Variants in SHISA9 observed in about 807,000 individuals in gnomAD.
SHISA9 encodes the protein protein shisa-9.
Under a neutral mutation model 38.0 loss-of-function variants are expected in SHISA9, and 13 were observed. That is an observed-to-expected ratio of 0.34 (90% CI 0.22 to 0.54). The LOEUF (loss-of-function observed/expected upper bound fraction) is 0.54, where lower values mean the gene tolerates loss of function less well. Ranked by LOEUF, SHISA9 falls within the 20% of genes least tolerant of loss-of-function variation. The pLI is 0.91. For missense variants in SHISA9, 538 were observed against 575.8 expected, an observed-to-expected ratio of 0.93 and a Z score of 0.67; for synonymous variants, 275 against 242.0, an observed-to-expected ratio of 1.14 and a Z score of -1.27.
chr16:12,981,300 G>T (rs1285979225), intron 2 of SHISA9, among the ~76,000 whole-genome samples: 2 of 152,210 alleles, frequency 1.3e-5, no homozygotes, highest in African/African-American at 4.8e-5. Flanking sequence ...TTTTATCTCT[G>T]GCAGCATTTG....
the SHISA9 span, among the ~76,000 whole-genome samples, chr16:13,420,915 A>G: frequency 0.73 from 111,790 of 152,100 alleles, 41,311 homozygotes; most frequent in Admixed American, 0.82. Flanking sequence ...AGATGATGGT[A>G]TTACAGCTGC....
At chr16:13,440,751 T>C in the SHISA9 span, among the ~76,000 whole-genome samples, 1 of 152,008 alleles carries the variant, frequency 6.6e-6, no homozygotes, top group East Asian at 1.9e-4. Flanking sequence ...GTGAAATCCC[T>C]TCTCTGCTAA....
intron 2 of SHISA9, among the ~76,000 whole-genome samples, chr16:12,997,530 G>T (rs1157709588): frequency 6.6e-6 from 1 of 150,410 alleles, no homozygotes; most frequent in Non-Finnish European, 1.5e-5. Context: ...CCTTAGCCTC[G>T]CCAGTAGCTG....
chr16:13,034,312 C>T (rs2073027689), intron 2 of SHISA9, among the ~76,000 whole-genome samples: 1 of 152,116 alleles, frequency 6.6e-6, no homozygotes. Context: ...ATTAGCATCT[C>T]CTTGGGAATG....
At position 13,198,628 on chromosome 16, in the gene SHISA9, A is replaced by G. The variant is rs190636884; in HGVS notation, c.692-4766A>G. Among the ~76,000 whole-genome samples the G allele has an allele frequency of 6.2e-4, 95 of 152,276 alleles. 2 individuals are homozygous for G. The highest frequency in any genetic ancestry group is 2.2e-3 in the African/African-American group (91 of 41,562). On this transcript the variant is annotated intron_variant, in intron 2 of 4. Coordinates refer to ENST00000558583, the MANE Select transcript of SHISA9 (RefSeq NM_001145204.3). ...AGCTGAATATATTTGTGGAAAACTC[A>G]CAAAGCAACTGGGTTGCCAGGTCTG...
chr16:12,932,152 A>G (rs2071469982), intron 2 of SHISA9, among the ~76,000 whole-genome samples: 2 of 152,120 alleles, frequency 1.3e-5, no homozygotes, highest in Non-Finnish European at 2.9e-5. Flanking sequence ...TGGAGCTGTG[A>G]GTCCATTAAG....
Position 13,078,752 on chromosome 16 carries a change from G to C in SHISA9, c.692-124642G>C, listed in dbSNP as rs565997496. On this transcript the variant is annotated intron_variant, in intron 2 of 4. Coordinates refer to ENST00000558583, the MANE Select transcript of SHISA9 (RefSeq NM_001145204.3). ...CCAAGTTGGTTGAACCCTTGGATAA[G>C]GAGGGCTGATACACATTTACTGTGT... is the stretch of plus-strand genomic sequence containing the variant. Among the ~76,000 whole-genome samples, 6 of 152,256 alleles carry C rather than the reference G, an allele frequency of 3.9e-5. No individual in the cohort carries two copies. The South Asian group carries it at 1.2e-3, about 32-fold the overall frequency.
At chr16:13,148,551 A>G (rs2050468526) in intron 2 of SHISA9, among the ~76,000 whole-genome samples, 1 of 152,238 alleles carries the variant, frequency 6.6e-6, no homozygotes, top group East Asian at 1.9e-4. Context: ...CACAGTCCAC[A>G]TTCACTCTAT....
chr16:13,317,610 AACCTAACCCCTATGC>A, the SHISA9 span, among the ~76,000 whole-genome samples: 1 of 152,056 alleles, frequency 6.6e-6, no homozygotes, highest in Admixed American at 6.6e-5. Context: ...TGACCCTGGG[AACCTAACCCCTATGC>A]ACCTCAGTCC....
chr16:13,545,785 C>G, the SHISA9 span, among the ~76,000 whole-genome samples: 3 of 152,096 alleles, frequency 2.0e-5, no homozygotes, highest in South Asian at 6.2e-4. Flanking sequence ...CATGATGGCA[C>G]CACACCGGTC....
chr16:13,178,232 T>G (rs1173214223), intron 2 of SHISA9, among the ~76,000 whole-genome samples: 1 of 152,044 alleles, frequency 6.6e-6, no homozygotes, highest in Non-Finnish European at 1.5e-5. Flanking sequence ...CAGGTGCACG[T>G]GTGGAGAGAG....
chr16:13,264,020 T>A, the SHISA9 span, among the ~76,000 whole-genome samples: 1 of 152,178 alleles, frequency 6.6e-6, no homozygotes, highest in Non-Finnish European at 1.5e-5. Context: ...TCCGCAAGGT[T>A]ATGTAAACAC....
intron 2 of SHISA9, among the ~76,000 whole-genome samples, chr16:12,954,737 G>A (rs1229392529): frequency 6.6e-6 from 1 of 152,166 alleles, no homozygotes; most frequent in South Asian, 2.1e-4. Context: ...TTAGGAAACA[G>A]TTGTAGAGGG....
chr16:13,207,617 T>C (rs1417208726), intron 3 of SHISA9, among the ~76,000 whole-genome samples: 2 of 152,098 alleles, frequency 1.3e-5, no homozygotes, highest in African/African-American at 4.8e-5. Flanking sequence ...CTGACCACTG[T>C]GAGAGTTCTC....
intron 2 of SHISA9, among the ~76,000 whole-genome samples, chr16:13,043,411 A>G (rs913095997): frequency 6.6e-6 from 1 of 152,182 alleles, no homozygotes; most frequent in African/African-American, 2.4e-5. Context: ...ACTTCCCACC[A>G]CGGGAGGGTA....
the SHISA9 span, among the ~76,000 whole-genome samples, chr16:13,314,433 T>C: frequency 6.6e-6 from 1 of 152,006 alleles, no homozygotes; most frequent in Non-Finnish European, 1.5e-5. Flanking sequence ...AGAGACAGGG[T>C]TTCACCGTGT....
At chr16:12,955,708 A>C (rs1025704712) in intron 2 of SHISA9, among the ~76,000 whole-genome samples, 1 of 152,070 alleles carries the variant, frequency 6.6e-6, no homozygotes, top group African/African-American at 2.4e-5. Context: ...AGCCATATGC[A>C]GAAAAATAAA....
intron 2 of SHISA9, among the ~76,000 whole-genome samples, chr16:13,042,730 C>T (rs1420147013): frequency 6.6e-6 from 1 of 152,152 alleles, no homozygotes; most frequent in African/African-American, 2.4e-5. Context: ...ATTCTCTAGT[C>T]ACACCATCTT....
chr16:13,440,718 T>C, the SHISA9 span, among the ~76,000 whole-genome samples: 1 of 151,966 alleles, frequency 6.6e-6, no homozygotes, highest in East Asian at 1.9e-4. Flanking sequence ...CACGAGGAAA[T>C]CGAGACCATC....
Sources: gnomAD v4.1 joint callset for allele counts (sites outside exome capture counted in the v4.1 genomes callset) on GRCh38, gnomAD v4.1.1 for gene constraint, MANE v1.5 for transcripts, NCBI Gene and HGNC (gene_info 2026-07-23, HGNC 2026-07-21) for gene names.